GRIK4: variants seen among roughly 807,000 people sequenced by gnomAD.
GRIK4 encodes glutamate ionotropic receptor kainate type subunit 4, also known as glutamate receptor ionotropic, kainate 4.
Under a neutral mutation model 104.9 loss-of-function variants are expected in GRIK4, and 40 were observed. The observed-to-expected ratio is 0.38, with a 90% confidence interval of 0.30 to 0.50. The LOEUF is 0.50. GRIK4 is among the 20% of genes least tolerant of loss of function. The pLI is 0.93. For missense variants in GRIK4, 1,047 were observed against 1,308.1 expected (o/e 0.80, Z 3.08); for synonymous variants, 485 against 524.9 (o/e 0.92, Z 1.04).
chr11:120,806,345 C>A (rs374596112), intron 4 of GRIK4, among the ~76,000 whole-genome samples: 1 of 152,206 alleles, frequency 6.6e-6, no homozygotes, highest in Non-Finnish European at 1.5e-5. Flanking sequence ...GTTTTCTGGG[C>A]TTGATGCATC....
At chr11:120,774,869 A>T (rs1952010979) in intron 3 of GRIK4, among the ~76,000 whole-genome samples, 1 of 152,178 alleles carries the variant, frequency 6.6e-6, no homozygotes, top group African/African-American at 2.4e-5. Flanking sequence ...GGAGTGTGTG[A>T]ATACACGCAT....
At chr11:120,643,422 C>A (rs1949496807) in intron 1 of GRIK4, among the ~76,000 whole-genome samples, 1 of 152,098 alleles carries the variant, frequency 6.6e-6, no homozygotes. Flanking sequence ...ACCGTGGGAC[C>A]CAGCGTTGCC....
intron 1 of GRIK4, among the ~76,000 whole-genome samples, chr11:120,585,853 G>T (rs1302557525): frequency 6.6e-6 from 1 of 152,086 alleles, no homozygotes; most frequent in Non-Finnish European, 1.5e-5. Flanking sequence ...ACATGAAGGA[G>T]GGGGAGGAAC....
At chr11:120,522,233 GAAT>G (rs1947804079) in intron 1 of GRIK4, among the ~76,000 whole-genome samples, 1 of 152,252 alleles carries the variant, frequency 6.6e-6, no homozygotes, top group South Asian at 2.1e-4. Context: ...CCGGCGTAGG[GAAT>G]GTGCTCAGTC....
chr11:120,892,225 T>TGAG (rs1955322128), intron 11 of GRIK4, among the ~76,000 whole-genome samples: 1 of 152,108 alleles, frequency 6.6e-6, no homozygotes, highest in African/African-American at 2.4e-5. Flanking sequence ...CAGGTAAAGC[T>TGAG]GGACCGAAGA....
chr11:120,847,033 C>T (rs1037848175), intron 8 of GRIK4, among the ~76,000 whole-genome samples: 1 of 152,196 alleles, frequency 6.6e-6, no homozygotes, highest in Non-Finnish European at 1.5e-5. Context: ...TCACCTGCTC[C>T]GTAGAGCCCT....
At chr11:120,680,313 G>T (rs1329298249) in intron 3 of GRIK4, among the ~76,000 whole-genome samples, 1 of 151,236 alleles carries the variant, frequency 6.6e-6, no homozygotes. Flanking sequence ...CCTGATCTCA[G>T]GTGATCAACC....
chr11:120,776,284 G>T (rs1372813637), intron 3 of GRIK4, among the ~76,000 whole-genome samples: 1 of 152,314 alleles, frequency 6.6e-6, no homozygotes, highest in Non-Finnish European at 1.5e-5. Flanking sequence ...GCCAGGTGGG[G>T]AGAGCTGCCA....
Position 120,862,688 on chromosome 11 carries a change from C to G in GRIK4, c.906+568C>G, listed in dbSNP as rs571662576. On this transcript the variant is annotated intron_variant, in intron 9 of 20. Transcript: ENST00000527524. ...GCCCAGTCCCTCTGCTTCCTCTCTG[C>G]AGTTCTGGCCCCTTCCGGCATGTGT... Among the ~76,000 whole-genome samples, 3 of 152,276 alleles carry G rather than the reference C, an allele frequency of 2.0e-5. 1 individual carries two copies. The South Asian group carries it at 6.2e-4, about 32-fold the overall frequency.
In GRIK4 at chr11:120,628,419, T is replaced by C. The variant is rs148656304; in HGVS notation, c.-158-25266T>C. Among the ~76,000 whole-genome samples, 26 of 152,272 alleles carry C rather than the reference T, an allele frequency of 1.7e-4. No homozygotes were observed. In the East Asian group the frequency reaches 5.0e-3, roughly 29 times the overall value. On this transcript the variant is annotated intron_variant, in intron 1 of 20. Coordinates refer to ENST00000527524, the MANE Select transcript of GRIK4 (RefSeq NM_014619.5). ...CCCTTAGCGGAAACAAGGATGTGAC[T>C]CTTGACCTGCTTATTTGTGTTCCCT...
At chr11:120,742,727 G>A (rs1400831673) in intron 3 of GRIK4, among the ~76,000 whole-genome samples, 2 of 152,052 alleles carry the variant, frequency 1.3e-5, no homozygotes, top group Non-Finnish European at 2.9e-5. Flanking sequence ...AGAGCTAAAA[G>A]CAGAATTACC....
rs1948155040 is a variant in GRIK4, at chr11:120,553,038, A to G, written c.-159+41151A>G. 2.0e-5 allele frequency among the ~76,000 whole-genome samples: 3 copies of G among 151,314 alleles called. No homozygotes were observed. In the South Asian group the frequency reaches 6.3e-4, roughly 32 times the overall value. On this transcript the variant is annotated intron_variant, in intron 1 of 20. Transcript: ENST00000527524. ...AAAAAAAAAAAGAAGGGAGGAAGGG[A>G]CAAAGGATTGGGGTTATCTGCAAAG...
At position 120,912,522 on chromosome 11, in the gene GRIK4, T is replaced by C. The variant is rs533594672; in HGVS notation, c.1476+7029T>C. On this transcript the variant is annotated intron_variant, in intron 13 of 20. Coordinates refer to ENST00000527524, the MANE Select transcript of GRIK4 (RefSeq NM_014619.5). ...GCTTGAAAGGAAGTACAGAAGAACATTTCCCAGGCTGAGCAATACGGGGGT... is the reference window on the plus strand; with the variant it reads ...GCTTGAAAGGAAGTACAGAAGAACACTTCCCAGGCTGAGCAATACGGGGGT... 7.9e-5 allele frequency among the ~76,000 whole-genome samples: 12 copies of C among 152,280 alleles called. No homozygotes were observed. In the South Asian group the frequency reaches 1.9e-3, roughly 24 times the overall value.
At position 120,898,534 on chromosome 11, in the gene GRIK4, C is replaced by A. The variant is rs748528917; in HGVS notation, c.1167C>A (p.Ile389=). Residue 389 remains isoleucine (I), a splice_region_variant and synonymous_variant, in exon 12 of 21, where the codon ATC becomes ATA. Transcript: ENST00000527524. ...LQFTRNGFRQ[I]GQWHVAEGLS... ...GTCCTCTCCGTTGGTCTCCTCAGAT[C>A]GGCCAGTGGCACGTGGCAGAGGGCC... The A allele has an allele frequency of 1.3e-6, 2 of 1,581,174 alleles. No homozygotes were observed. The highest frequency in any genetic ancestry group is 1.7e-6 in the Non-Finnish European group (2 of 1,149,970).
chr11:120,552,701 G>A (rs1948151196), intron 1 of GRIK4, among the ~76,000 whole-genome samples: 1 of 152,072 alleles, frequency 6.6e-6, no homozygotes, highest in African/African-American at 2.4e-5. Flanking sequence ...AGCCAGGGGA[G>A]TAAAAAAGAA....
chr11:120,867,168 C>T (rs1306641517), intron 9 of GRIK4, among the ~76,000 whole-genome samples: 2 of 152,160 alleles, frequency 1.3e-5, no homozygotes, highest in Non-Finnish European at 2.9e-5. Context: ...CTCACCTCAG[C>T]GTGTGGAAAG....
chr11:120,904,755 C>T (rs1287752575), intron 12 of GRIK4, among the ~76,000 whole-genome samples: 1 of 152,160 alleles, frequency 6.6e-6, no homozygotes, highest in Non-Finnish European at 1.5e-5. Flanking sequence ...ATTCACAGCC[C>T]TTCCATCTCT....
intron 3 of GRIK4, among the ~76,000 whole-genome samples, chr11:120,796,893 G>T (rs1035418978): frequency 9.2e-5 from 14 of 151,950 alleles, no homozygotes; most frequent in Non-Finnish European, 1.8e-4. Context: ...GCTGCAGGGG[G>T]GAGGAGTCCC....
At chr11:120,754,591 C>G (rs991537621) in intron 3 of GRIK4, among the ~76,000 whole-genome samples, 1 of 152,116 alleles carries the variant, frequency 6.6e-6, no homozygotes, top group Non-Finnish European at 1.5e-5. Context: ...GTTTTCGATT[C>G]TCTTGGATAT....
Sources: allele counts gnomAD v4.1 joint callset (sites outside exome capture counted in the v4.1 genomes callset), GRCh38; gene constraint gnomAD v4.1.1; transcripts MANE v1.5; gene names NCBI Gene and HGNC (gene_info 2026-07-23, HGNC 2026-07-21).